The following SPIDR variants were observed in gnomAD, a reference collection of about 807,000 sequenced individuals.
The protein encoded by SPIDR is scaffold protein involved in DNA repair.
SPIDR carries 93 observed loss-of-function variants against 104.6 expected under a neutral mutation model. The ratio of observed to expected loss-of-function variants is 0.89; its 90% CI spans 0.75 to 1.06. The LOEUF is 1.06. Among genes scored for constraint, SPIDR ranks in the 50% least tolerant of loss-of-function variants. The pLI is 0.00. For missense variants in SPIDR, 1,154 were observed against 1,111.2 expected, an observed-to-expected ratio of 1.04 and a Z score of -0.55; for synonymous variants, 431 against 416.9, an observed-to-expected ratio of 1.03 and a Z score of -0.41.
intron 8 of SPIDR, among the ~76,000 whole-genome samples, chr8:47,484,964 C>T (rs1217027619): frequency 2.0e-5 from 3 of 152,150 alleles, no homozygotes; most frequent in Admixed American, 6.5e-5. Context: ...ACTGAGGTTC[C>T]GGGTTCATCT....
chr8:47,328,896 T>A (rs2048163460), intron 5 of SPIDR, among the ~76,000 whole-genome samples: 1 of 152,100 alleles, frequency 6.6e-6, no homozygotes, highest in Admixed American at 6.6e-5. Flanking sequence ...TCTTCTAATG[T>A]CATTTTCACA....
At chr8:47,548,386 G>A (rs185584668) in intron 8 of SPIDR, among the ~76,000 whole-genome samples, 2 of 152,332 alleles carry the variant, frequency 1.3e-5, no homozygotes, top group South Asian at 2.1e-4. Context: ...GGTGGCTCAC[G>A]CCTGTAATCC....
intron 10 of SPIDR, among the ~76,000 whole-genome samples, chr8:47,613,405 A>C (rs956152834): frequency 1.3e-5 from 2 of 152,144 alleles, no homozygotes; most frequent in African/African-American, 4.8e-5. Flanking sequence ...GTTTATGGAC[A>C]TTTGTGTTGT....
intron 2 of SPIDR, among the ~76,000 whole-genome samples, chr8:47,283,742 A>G (rs2038268325): frequency 6.6e-6 from 1 of 152,218 alleles, no homozygotes; most frequent in Non-Finnish European, 1.5e-5. Flanking sequence ...ATGAGTAGTA[A>G]TGAGTACCTC....
At chr8:47,401,443 G>T (rs1554662784) in intron 6 of SPIDR, among the ~76,000 whole-genome samples, 1 of 152,088 alleles carries the variant, frequency 6.6e-6, no homozygotes, top group Non-Finnish European at 1.5e-5. Flanking sequence ...AAAATAACCA[G>T]CTAACATCAT....
At chr8:47,387,171 A>G (rs2060050995) in intron 5 of SPIDR, among the ~76,000 whole-genome samples, 2 of 152,178 alleles carry the variant, frequency 1.3e-5, no homozygotes, top group African/African-American at 2.4e-5. Flanking sequence ...GGCAGGGAAG[A>G]ATATAGTGTA....
chr8:47,293,866 G>T lies in SPIDR; in HGVS notation c.362-1G>T, dbSNP rs1340697638. ...AGCAAGTTAAAAATTATATTTTTTAGATGAATTACAGTTTATCGACTGGGA... is the reference window on the plus strand; with the variant it reads ...AGCAAGTTAAAAATTATATTTTTTATATGAATTACAGTTTATCGACTGGGA... On this transcript the variant is annotated splice_acceptor_variant, in intron 4 of 19. Coordinates refer to ENST00000297423, the MANE Select transcript of SPIDR (RefSeq NM_001080394.4). LOFTEE classifies it high-confidence loss of function. 5.0e-6 allele frequency: 8 copies of T among 1,598,630 alleles called. No individual in the cohort carries two copies. Among genetic ancestry groups the T allele is most frequent in the Middle Eastern group, 1.7e-4 (1 of 6,000 alleles).
At chr8:47,577,724 G>T (rs1349973417) in intron 8 of SPIDR, among the ~76,000 whole-genome samples, 1 of 151,968 alleles carries the variant, frequency 6.6e-6, no homozygotes, top group Non-Finnish European at 1.5e-5. Flanking sequence ...TCTTGTGTGG[G>T]TTTTTTTTAA....
intron 8 of SPIDR, among the ~76,000 whole-genome samples, chr8:47,458,907 A>G (rs554763110): frequency 6.6e-6 from 1 of 152,060 alleles, no homozygotes; most frequent in South Asian, 2.1e-4. Context: ...TGGTCATGTG[A>G]TTTTTGTTTT....
chr8:47,330,406 G>A (rs2048462550), intron 5 of SPIDR, among the ~76,000 whole-genome samples: 2 of 152,058 alleles, frequency 1.3e-5, no homozygotes, highest in South Asian at 4.1e-4. Context: ...TTAATTCTTG[G>A]CGTTGTATAT....
At chr8:47,646,496 A>G (rs554128251) in intron 10 of SPIDR, among the ~76,000 whole-genome samples, 1 of 152,372 alleles carries the variant, frequency 6.6e-6, no homozygotes, top group East Asian at 1.9e-4. Context: ...TGTGATAGCA[A>G]GTGGAAATGG....
rs191066537 is a variant in SPIDR at position 47,621,197 on chromosome 8, C to T, written c.1544+22001C>T. 6.6e-4 allele frequency among the ~76,000 whole-genome samples: 101 copies of T among 152,148 alleles called. 1 individual carries two copies. The highest frequency in any genetic ancestry group is 2.3e-3 in the African/African-American group (94 of 41,544). On this transcript the variant is annotated intron_variant, in intron 10 of 19. Coordinates refer to ENST00000297423, the MANE Select transcript of SPIDR (RefSeq NM_001080394.4). ...GTCTCGATCTCCTGACCTTGTGATC[C>T]GCCCACCTTGGCCTCCCAAAGTGCT...
At chr8:47,290,041 TTG>T (rs782547183) in intron 3 of SPIDR, among the ~76,000 whole-genome samples, 6 of 151,606 alleles carry the variant, frequency 4.0e-5, no homozygotes, top group African/African-American at 4.8e-5. Flanking sequence ...TATAACCTTT[TTG>T]TGTGTGTGTG....
intron 8 of SPIDR, chr8:47,511,935 A>AT: frequency 1.3e-6 from 1 of 793,722 alleles, no homozygotes; most frequent in East Asian, 2.4e-5. Flanking sequence ...ATGTCACTCT[A>AT]TTATCACTAG....
At chr8:47,490,501 T>TA (rs782594248) in intron 8 of SPIDR, among the ~76,000 whole-genome samples, 1 of 152,214 alleles carries the variant, frequency 6.6e-6, no homozygotes, top group Non-Finnish European at 1.5e-5. Context: ...ACTGGGTATA[T>TA]ACCGAAAGGA....
chr8:47,431,961 T>C (rs1308632829), intron 7 of SPIDR, among the ~76,000 whole-genome samples: 12 of 152,238 alleles, frequency 7.9e-5, no homozygotes, highest in African/African-American at 2.2e-4. Flanking sequence ...TTTTAGATAT[T>C]ATAATCAGGA....
At chr8:47,374,599 C>T (rs1315338511) in intron 5 of SPIDR, among the ~76,000 whole-genome samples, 1 of 152,140 alleles carries the variant, frequency 6.6e-6, no homozygotes, top group African/African-American at 2.4e-5. Flanking sequence ...GAATATCTTC[C>T]TGTTTGTCTC....
At chr8:47,472,558 G>C (rs1337762469) in intron 8 of SPIDR, among the ~76,000 whole-genome samples, 1 of 152,218 alleles carries the variant, frequency 6.6e-6, no homozygotes, top group African/African-American at 2.4e-5. Flanking sequence ...CACATGTAGT[G>C]TAAACTAAGT....
At chr8:47,593,823 AGGGCCAGG>A (rs1264156089) in intron 8 of SPIDR, among the ~76,000 whole-genome samples, 3 of 152,096 alleles carry the variant, frequency 2.0e-5, no homozygotes, top group Non-Finnish European at 4.4e-5. Context: ...CCTGGCTGGG[AGGGCCAGG>A]GAAGCCTTGT....
Sources: allele counts gnomAD v4.1 joint callset (sites outside exome capture counted in the v4.1 genomes callset), GRCh38; gene constraint gnomAD v4.1.1; transcripts MANE v1.5; gene names NCBI Gene and HGNC (gene_info 2026-07-23, HGNC 2026-07-21).